MYT1L: variants seen among roughly 807,000 people sequenced by gnomAD.
MYT1L encodes the protein myelin transcription factor 1-like protein.
Under a neutral mutation model 126.7 loss-of-function variants are expected in MYT1L, and 12 were observed. That is an observed-to-expected ratio of 0.09 (90% confidence interval 0.06 to 0.15). The LOEUF is 0.15. MYT1L is among the 10% of genes least tolerant of loss of function. The pLI, the probability that MYT1L is intolerant of heterozygous loss-of-function variation, is 1.00. For missense variants in MYT1L, 979 were observed against 1,585.2 expected (o/e 0.62, Z 6.49); for synonymous variants, 541 against 604.2 (o/e 0.90, Z 1.53).
chr2:1,876,590 G>A (rs529437337), intron 18 of MYT1L, among the ~76,000 whole-genome samples: 37 of 152,256 alleles, frequency 2.4e-4, no homozygotes, highest in Admixed American at 3.9e-4. Context: ...TCTCCTGGAT[G>A]CTGTTCGCCC....
At chr2:2,307,872 T>C (rs1166622373) in intron 1 of MYT1L, among the ~76,000 whole-genome samples, 2 of 144,414 alleles carry the variant, frequency 1.4e-5, no homozygotes, top group Non-Finnish European at 3.0e-5. Context: ...TATGCTTCAG[T>C]ATACTCTATC....
chr2:1,897,523 C>T (rs1309730376), intron 14 of MYT1L, among the ~76,000 whole-genome samples: 2 of 152,008 alleles, frequency 1.3e-5, no homozygotes, highest in African/African-American at 2.4e-5. Context: ...AGTGCAGTGG[C>T]ATGATCTCAA....
At chr2:2,262,966 A>G (rs1163120007) in intron 2 of MYT1L, among the ~76,000 whole-genome samples, 1 of 128,136 alleles carries the variant, frequency 7.8e-6, no homozygotes, top group African/African-American at 3.2e-5. Context: ...CACAGGTAAT[A>G]AACATCTAGG....
intron 21 of MYT1L, among the ~76,000 whole-genome samples, chr2:1,837,153 T>C (rs1304941618): frequency 6.6e-6 from 1 of 152,100 alleles, no homozygotes; most frequent in Non-Finnish European, 1.5e-5. Flanking sequence ...GACCCTAACA[T>C]ACAATGCAAC....
intron 1 of MYT1L, among the ~76,000 whole-genome samples, chr2:2,321,379 C>CA (rs1443886610): frequency 6.6e-6 from 1 of 152,168 alleles, no homozygotes; most frequent in East Asian, 1.9e-4. Context: ...CTTATTTCTA[C>CA]AACCAGTCTG....
chr2:2,261,347 G>C (rs2094962222), intron 2 of MYT1L, among the ~76,000 whole-genome samples: 1 of 152,054 alleles, frequency 6.6e-6, no homozygotes. Flanking sequence ...CAGTCTTTTA[G>C]ACAAATCGGA....
chr2:1,911,331 A>C (rs748568810), intron 12 of MYT1L, among the ~76,000 whole-genome samples: 7 of 152,208 alleles, frequency 4.6e-5, no homozygotes, highest in Non-Finnish European at 8.8e-5. Flanking sequence ...GAACTCATAA[A>C]ACCATAGACT....
chr2:2,141,787 C>T (rs1459369055), intron 3 of MYT1L, among the ~76,000 whole-genome samples: 1 of 152,132 alleles, frequency 6.6e-6, no homozygotes, highest in African/African-American at 2.4e-5. Flanking sequence ...GAACGAAGAA[C>T]AAGACTCAGC....
At chr2:2,316,483 G>A (rs2096066171) in intron 1 of MYT1L, among the ~76,000 whole-genome samples, 1 of 152,194 alleles carries the variant, frequency 6.6e-6, no homozygotes, top group African/African-American at 2.4e-5. Flanking sequence ...AGCCAATGGG[G>A]CTATTTCCTT....
intron 3 of MYT1L, among the ~76,000 whole-genome samples, chr2:2,085,904 G>A (rs1168814289): frequency 6.6e-6 from 1 of 152,192 alleles, no homozygotes; most frequent in Non-Finnish European, 1.5e-5. Flanking sequence ...TGAAGAATGC[G>A]TTTGGGTGTT....
At chr2:2,144,718 C>T (rs73913214) in intron 3 of MYT1L, among the ~76,000 whole-genome samples, 2,429 of 152,200 alleles carry the variant, frequency 0.016, 65 homozygotes, top group African/African-American at 0.052. Context: ...GTAATGGAAT[C>T]GTTTGTAAAG....
chr2:2,171,244 C>T (rs538832640), intron 3 of MYT1L, among the ~76,000 whole-genome samples: 2 of 152,298 alleles, frequency 1.3e-5, no homozygotes, highest in South Asian at 4.1e-4. Context: ...AGCTGAGAAC[C>T]CTACTGAAAG....
intron 1 of MYT1L, among the ~76,000 whole-genome samples, chr2:2,320,135 G>A (rs1319125091): frequency 2.0e-5 from 3 of 152,026 alleles, no homozygotes; most frequent in Admixed American, 2.0e-4. Context: ...GAACAAAAGG[G>A]AGAACTGCTA....
Position 1,890,445 on chromosome 2 carries a change from C to T in MYT1L, c.2284-968G>A, listed in dbSNP as rs556630777. 3.9e-5 allele frequency among the ~76,000 whole-genome samples: 6 copies of T among 152,082 alleles called. No individual in the cohort carries two copies. In the East Asian group the frequency reaches 1.2e-3, roughly 29 times the overall value. ...AGATCTGCAGTTGTAGCTAAAAATACCTTTACTACAGTGATTACCGTCTGA... is the reference window on the plus strand; with the variant it reads ...AGATCTGCAGTTGTAGCTAAAAATATCTTTACTACAGTGATTACCGTCTGA... On this transcript the variant is annotated intron_variant, in intron 15 of 24. Transcript: ENST00000647738.
chr2:1,965,500 C>T (rs1200199494), intron 8 of MYT1L, among the ~76,000 whole-genome samples: 12 of 152,096 alleles, frequency 7.9e-5, no homozygotes, highest in Admixed American at 1.3e-4. Flanking sequence ...AGGACCCAGG[C>T]ACTCTGTGAC....
chr2:1,981,882 A>G (rs2060640345), intron 5 of MYT1L, among the ~76,000 whole-genome samples: 1 of 152,184 alleles, frequency 6.6e-6, no homozygotes, highest in Non-Finnish European at 1.5e-5. Context: ...ATTCGGGAAC[A>G]TAATTGTCTG....
chr2:1,875,255 T>C (rs1277854527), intron 18 of MYT1L, among the ~76,000 whole-genome samples: 1 of 152,050 alleles, frequency 6.6e-6, no homozygotes, highest in Non-Finnish European at 1.5e-5. Context: ...GGCGGGAAAC[T>C]GGACCTTTAG....
rs184067314 is a variant in MYT1L, at chr2:2,030,453, T to C, written c.-158+23525A>G. On this transcript the variant is annotated intron_variant, in intron 4 of 24. Coordinates refer to ENST00000647738, the MANE Select transcript of MYT1L (RefSeq NM_001303052.2). ...TAAAGCATCTGATTCTTAACTATCA[T>C]TCATTCGTTCATTTGTTATGTGTAT... is the stretch of plus-strand genomic sequence containing the variant. Among the ~76,000 whole-genome samples the C allele has an allele frequency of 2.3e-3, 348 of 152,336 alleles. 1 individual carries two copies. The highest frequency in any genetic ancestry group is 8.1e-3 in the African/African-American group (337 of 41,572).
chr2:2,106,470 T>C (rs999183317), intron 3 of MYT1L, among the ~76,000 whole-genome samples: 1 of 151,936 alleles, frequency 6.6e-6, no homozygotes, highest in African/African-American at 2.4e-5. Context: ...GTACAAAAGT[T>C]AGCCAGGTGT....
Sources: allele counts gnomAD v4.1 joint callset (sites outside exome capture counted in the v4.1 genomes callset), GRCh38; gene constraint gnomAD v4.1.1; transcripts MANE v1.5; gene names NCBI Gene and HGNC (gene_info 2026-07-23, HGNC 2026-07-21).